The following RBFOX3 variants were observed in gnomAD, a reference collection of about 807,000 sequenced individuals.
RBFOX3 encodes the protein RNA binding protein fox-1 homolog 3.
In RBFOX3, 17 loss-of-function variants were observed where a neutral mutation model predicts 48.7. The observed-to-expected ratio is 0.35, with a 90% CI of 0.24 to 0.52. The LOEUF (loss-of-function observed/expected upper bound fraction) is 0.52, where lower values mean the gene tolerates loss of function less well. RBFOX3 is among the 20% of genes least tolerant of loss of function. RBFOX3 has a pLI of 0.94. For missense variants in RBFOX3, 382 were observed against 497.5 expected (o/e 0.77, Z 2.21); for synonymous variants, 212 against 209.5 (o/e 1.01, Z -0.10).
intron 2 of RBFOX3, among the ~76,000 whole-genome samples, chr17:79,393,236 G>A (rs2061561068): frequency 6.6e-6 from 1 of 152,230 alleles, no homozygotes; most frequent in South Asian, 2.1e-4. Flanking sequence ...CACCCGCGTA[G>A]CCGCCTGCTG....
intron 2 of RBFOX3, among the ~76,000 whole-genome samples, chr17:79,347,418 T>C (rs2083093014): frequency 6.6e-6 from 1 of 152,184 alleles, no homozygotes; most frequent in Admixed American, 6.5e-5. Context: ...CTCCACATTT[T>C]CTTCATATAT....
rs1159597555 is a variant in RBFOX3, at chr17:79,375,204, G to C, written c.-174-67380C>G. Among the ~76,000 whole-genome samples the C allele has an allele frequency of 5.9e-5, 9 of 152,346 alleles. No individual in the cohort carries two copies. The East Asian group carries it at 1.7e-3, about 29-fold the overall frequency. ...GTTTCCTCCAGGAGATTCCAGAGAA[G>C]AGTCAGTGAAGGAAAATCATTTCCC... is the stretch of plus-strand genomic sequence containing the variant. On this transcript the variant is annotated intron_variant, in intron 2 of 14. Coordinates refer to ENST00000693108, the MANE Select transcript of RBFOX3 (RefSeq NM_001350451.2).
upstream of RBFOX3, among the ~76,000 whole-genome samples, chr17:79,613,213 AG>A (rs2145592429): frequency 6.6e-6 from 1 of 152,360 alleles, no homozygotes; most frequent in South Asian, 2.1e-4. Flanking sequence ...CACCAGTCCC[AG>A]CCCAGGACTC....
chr17:79,435,118 G>C (rs2069154674), intron 2 of RBFOX3, among the ~76,000 whole-genome samples: 1 of 152,184 alleles, frequency 6.6e-6, no homozygotes, highest in African/African-American at 2.4e-5. Flanking sequence ...ATCTGGCTCT[G>C]CTGGGTGCGT....
chr17:79,414,771 T>G (rs900157878), intron 2 of RBFOX3, among the ~76,000 whole-genome samples: 3 of 149,892 alleles, frequency 2.0e-5, no homozygotes, highest in Non-Finnish European at 2.9e-5. Flanking sequence ...GCCTCTGCAC[T>G]CCCGCTGGCG....
rs771740853 is a variant in RBFOX3, at chr17:79,111,561, G to A, written c.222+3933C>T. ...AGTGATTCTCCTGCCTCAGCCTCCC[G>A]GGCAGCTGGGATTACAGGCACGAGC... On this transcript the variant is annotated intron_variant, in intron 5 of 14. Coordinates refer to ENST00000693108, the MANE Select transcript of RBFOX3 (RefSeq NM_001350451.2). The surrounding 1 kb of genome is among the most constrained non-coding windows in gnomAD (Gnocchi z 4.2). Among the ~76,000 whole-genome samples, 7 of 152,158 alleles carry A rather than the reference G, an allele frequency of 4.6e-5. No homozygotes were observed. Among genetic ancestry groups the A allele is most frequent in the Non-Finnish European group, 8.8e-5 (6 of 68,038 alleles).
chr17:79,147,328 T>G (rs2043241431), intron 4 of RBFOX3, among the ~76,000 whole-genome samples: 1 of 152,172 alleles, frequency 6.6e-6, no homozygotes, highest in African/African-American at 2.4e-5. Context: ...CGCAGCCCAT[T>G]TTACAGAAGC....
intron 2 of RBFOX3, among the ~76,000 whole-genome samples, chr17:79,334,634 C>T (rs1300197501): frequency 1.3e-5 from 2 of 152,200 alleles, no homozygotes; most frequent in African/African-American, 4.8e-5. Context: ...AACTGGAGCC[C>T]ATCTGTGAGG....
chr17:79,387,793 G>A (rs2060765710), intron 2 of RBFOX3, among the ~76,000 whole-genome samples: 1 of 152,218 alleles, frequency 6.6e-6, no homozygotes, highest in Non-Finnish European at 1.5e-5. Context: ...GAGTTCAAGG[G>A]AAGAGCCCAC....
intron 1 of RBFOX3, chr17:79,601,168 A>C (rs1045463603): frequency 4.6e-5 from 7 of 152,164 alleles, no homozygotes. Context: ...AAGCAGCGGG[A>C]CCCTGATAAA....
At chr17:79,571,304 T>A (rs2092669235) in intron 1 of RBFOX3, among the ~76,000 whole-genome samples, 1 of 152,130 alleles carries the variant, frequency 6.6e-6, no homozygotes, top group African/African-American at 2.4e-5. Context: ...CAGCAGATTA[T>A]GGTCCTTGCT....
intron 2 of RBFOX3, among the ~76,000 whole-genome samples, chr17:79,454,556 A>G (rs564827358): frequency 6.6e-6 from 1 of 152,302 alleles, no homozygotes; most frequent in South Asian, 2.1e-4. Flanking sequence ...TGTCCACAGC[A>G]AAGGGGTCCA....
chr17:79,555,785 CAGT>C (rs2091698341), intron 1 of RBFOX3, among the ~76,000 whole-genome samples: 1 of 4,164 alleles, frequency 2.4e-4, no homozygotes, highest in Non-Finnish European at 7.0e-4. Flanking sequence ...GTGATAATGG[CAGT>C]GATGGTGATG....
intron 5 of RBFOX3, among the ~76,000 whole-genome samples, chr17:79,113,373 G>C (rs967856446): frequency 7.9e-5 from 12 of 152,148 alleles, no homozygotes; most frequent in Admixed American, 7.9e-4. Flanking sequence ...GCACCACGCC[G>C]ATGCCGTAAC....
rs576669103 is a variant in RBFOX3, at chr17:79,440,740, C to A, written c.-175+41714G>T. 2.3e-3 allele frequency among the ~76,000 whole-genome samples: 345 copies of A among 152,190 alleles called. 2 individuals carry two copies. The highest frequency in any genetic ancestry group is 7.7e-3 in the African/African-American group (318 of 41,520). Reference sequence around the variant, plus strand: ...TTCCCCAGCACAACCTCCTGCCATACCCCCCTTCCCCATGGCCATTAGCCC... The same window carrying A: ...TTCCCCAGCACAACCTCCTGCCATAACCCCCTTCCCCATGGCCATTAGCCC... On this transcript the variant is annotated intron_variant, in intron 2 of 14. Coordinates refer to ENST00000693108, the MANE Select transcript of RBFOX3 (RefSeq NM_001350451.2).
intron 4 of RBFOX3, among the ~76,000 whole-genome samples, chr17:79,158,219 G>A (rs1276266342): frequency 6.6e-6 from 1 of 152,170 alleles, no homozygotes; most frequent in Non-Finnish European, 1.5e-5. Context: ...GCCCACACCT[G>A]GACCTCAAAC....
chr17:79,617,808 C>T, the RBFOX3 span, among the ~76,000 whole-genome samples: 639 of 152,358 alleles, frequency 4.2e-3, 14 homozygotes, highest in East Asian at 0.056. Context: ...GATGAGAACA[C>T]TGAGGCCCAG....
At chr17:79,449,049 T>C (rs2072937425) in intron 2 of RBFOX3, among the ~76,000 whole-genome samples, 1 of 151,978 alleles carries the variant, frequency 6.6e-6, no homozygotes, top group South Asian at 2.1e-4. Flanking sequence ...TTTGCCAGGT[T>C]GGGGGTGCAC....
rs552403556 is a variant in RBFOX3 at position 79,421,887 on chromosome 17, C to T, written c.-175+60567G>A. Among the ~76,000 whole-genome samples, 5 of 152,096 alleles carry T rather than the reference C, an allele frequency of 3.3e-5. No homozygotes were observed. Among genetic ancestry groups the T allele is most frequent in the East Asian group, 1.9e-4 (1 of 5,170 alleles). ...GAGGCTCATGGGTTCCAGGAACCCA[C>T]GCCCCACCCCAAGCTGCCCGGTCCT... On this transcript the variant is annotated intron_variant, in intron 2 of 14. Transcript: ENST00000693108. The surrounding 1 kb of genome is among the most constrained non-coding windows in gnomAD (Gnocchi z 4.5).
Sources: allele counts gnomAD v4.1 joint callset (sites outside exome capture counted in the v4.1 genomes callset), GRCh38; gene constraint gnomAD v4.1.1; non-coding constraint Gnocchi (gnomAD v3.1); transcripts MANE v1.5; gene names NCBI Gene and HGNC (gene_info 2026-07-23, HGNC 2026-07-21).